Variants in IFT74 observed in about 807,000 individuals in gnomAD.
The protein encoded by IFT74 is intraflagellar transport 74.
IFT74 carries 92 observed loss-of-function variants against 96.7 expected under a neutral mutation model. That is an observed-to-expected ratio of 0.95 (90% confidence interval 0.80 to 1.13). The LOEUF is 1.13. IFT74 is among the 50% of genes most tolerant of loss of function. The pLI is 0.00. For synonymous variants in IFT74, 223 were observed against 213.2 expected, an observed-to-expected ratio of 1.05 and a Z score of -0.40; for missense variants, 811 against 698.2, an observed-to-expected ratio of 1.16 and a Z score of -1.82.
In IFT74 at chr9:27,064,524, G is replaced by A. The variant is rs577307642; in HGVS notation, c.*1788G>A. Among the ~76,000 whole-genome samples the A allele has an allele frequency of 1.3e-5, 2 of 152,098 alleles. No individual in the cohort carries two copies. The highest frequency in any genetic ancestry group is 2.1e-4 in the South Asian group (1 of 4,812). ...ATTAGGAGCCTTTATGGATATACCC[G>A]ACTGCTGAAAAACATTCATCTTTTA... On this transcript the variant is annotated 3_prime_UTR_variant, in exon 20 of 20. Coordinates refer to ENST00000380062, the MANE Select transcript of IFT74 (RefSeq NM_025103.4).
intron 8 of IFT74, among the ~76,000 whole-genome samples, chr9:27,003,373 A>G (rs888741065): frequency 5.5e-4 from 84 of 152,182 alleles, no homozygotes; most frequent in African/African-American, 1.9e-3. Context: ...AATTACAAAA[A>G]TTAGCCGGGT....
chr9:26,947,489 A>G (rs1351569754), intron 1 of IFT74: 1 of 159,652 alleles, frequency 6.3e-6, no homozygotes, highest in Admixed American at 6.5e-5. Context: ...GGCCGGGACT[A>G]CAATTCCCAT....
At chr9:26,988,450 A>G (rs1827727676) in intron 6 of IFT74, among the ~76,000 whole-genome samples, 1 of 152,232 alleles carries the variant, frequency 6.6e-6, no homozygotes, top group Non-Finnish European at 1.5e-5. Context: ...TCATTTATCC[A>G]TGTTAAAAAT....
rs1018713147 is a variant in IFT74 at position 27,062,896 on chromosome 9, G to A, written c.*160G>A. ...CTTTTAAGAATGATATTTTAAAATAGTAAATAGTTCAATAAATGGTTTGCA... is the reference window on the plus strand; with the variant it reads ...CTTTTAAGAATGATATTTTAAAATAATAAATAGTTCAATAAATGGTTTGCA... On this transcript the variant is annotated 3_prime_UTR_variant, in exon 20 of 20. Coordinates refer to ENST00000380062, the MANE Select transcript of IFT74 (RefSeq NM_025103.4). The A allele has an allele frequency of 7.4e-6, 4 of 541,906 alleles. No individual in the cohort carries two copies. The highest frequency in any genetic ancestry group is 2.0e-5 in the African/African-American group (1 of 49,498). 33.6% of individuals were successfully genotyped at this position (541,906 alleles called of 1,614,324 possible). A position where few individuals can be genotyped will look rare whatever the true frequency, so the allele number is the denominator to read the frequency against.
intron 8 of IFT74, among the ~76,000 whole-genome samples, chr9:26,996,769 A>T (rs1162628388): frequency 6.6e-6 from 1 of 152,198 alleles, no homozygotes; most frequent in Non-Finnish European, 1.5e-5. Context: ...ACATGGTTAC[A>T]ATCTGGATCT....
chr9:26,958,152 T>C (rs983543097), intron 1 of IFT74, among the ~76,000 whole-genome samples: 2 of 152,238 alleles, frequency 1.3e-5, no homozygotes, highest in African/African-American at 4.8e-5. Context: ...AAGTTTTTGC[T>C]TATCACTGAG....
At chr9:26,958,982 A>G (rs1826236556) in intron 1 of IFT74, among the ~76,000 whole-genome samples, 1 of 152,258 alleles carries the variant, frequency 6.6e-6, no homozygotes, top group South Asian at 2.1e-4. Context: ...GTAGGATGAC[A>G]TTTACAGCAC....
At chr9:27,036,979 G>T (rs1026187216) in intron 13 of IFT74, among the ~76,000 whole-genome samples, 1 of 152,186 alleles carries the variant, frequency 6.6e-6, no homozygotes, top group Admixed American at 6.5e-5. Flanking sequence ...AGCACTTTGG[G>T]AGGCTGAGGC....
upstream of IFT74, among the ~76,000 whole-genome samples, chr9:26,953,474 G>A (rs1825994432): frequency 6.6e-6 from 1 of 152,104 alleles, no homozygotes; most frequent in Non-Finnish European, 1.5e-5. Flanking sequence ...TCCTAGAAGT[G>A]GAGTTACTGG....
Position 26,962,008 on chromosome 9 carries a change from C to G in IFT74, c.41C>G (p.Ser14Ter). 2 of 1,614,140 alleles carry G rather than the reference C, an allele frequency of 1.2e-6. No individual in the cohort carries two copies. Among genetic ancestry groups the G allele is most frequent in the African/African-American group, 1.3e-5 (1 of 75,052 alleles). ...AAATCTTCAGCAGCTCGCCCTGTTT[C>G]AAGAGGTGGAGTTGGGTTAACAGGA... ...NHKSSAARPV[S>*]RGGVGLTGRP... Residue 14 changes from serine (S) to a stop codon, truncating the protein, a stop_gained, in exon 2 of 20, where the codon TCA (serine) becomes TGA (stop). Transcript: ENST00000380062. LOFTEE classifies it high-confidence loss of function.
Position 27,060,650 on chromosome 9 carries a change from A to T in IFT74, c.1683A>T (p.Glu561Asp). Residue 561 changes from glutamate to aspartate, a missense_variant and splice_region_variant, in exon 19 of 20, where the codon GAA becomes GAT. Glu to Asp is a conservative substitution (Grantham distance 45, BLOSUM62 2). Transcript: ENST00000380062. ...HLEQNNFAMK[E>D]FIATKSQESD... is the part of the protein sequence containing the mutation. ...AGCAAAATAATTTTGCGATGAAAGA[A>T]TGTATCCTTTAAAAAGCTGAAAATG... 2.5e-6 allele frequency: 4 copies of T among 1,600,100 alleles called. No homozygotes were observed. The highest frequency in any genetic ancestry group is 3.4e-6 in the Non-Finnish European group (4 of 1,171,092).
At chr9:27,057,333 G>A (rs549291670) in intron 18 of IFT74, among the ~76,000 whole-genome samples, 54 of 152,208 alleles carry the variant, frequency 3.5e-4, no homozygotes, top group Non-Finnish European at 6.5e-4. Context: ...TAGATTGAGA[G>A]CTCTGACGGG....
intron 6 of IFT74, among the ~76,000 whole-genome samples, chr9:26,986,330 T>C (rs1036493664): frequency 3.3e-5 from 5 of 151,954 alleles, no homozygotes; most frequent in East Asian, 1.9e-4. Flanking sequence ...GTTGTTTTTT[T>C]TTTTCAAGAC....
At chr9:27,032,563 T>G (rs965373023) in intron 13 of IFT74, among the ~76,000 whole-genome samples, 15 of 151,118 alleles carry the variant, frequency 9.9e-5, no homozygotes, top group Non-Finnish European at 1.5e-4. Flanking sequence ...GTCATCCTTT[T>G]CAGCTTAAAA....
Position 26,957,888 on chromosome 9 carries a change from G to A in IFT74, c.-20+1372G>A, listed in dbSNP as rs186844800. On this transcript the variant is annotated intron_variant, in intron 1 of 19. Transcript: ENST00000380062. ...GGCTCACTGCAAGCTCCGCCTCCTGGGACTACGCCCGCCACCACGCCCGGA... is the reference window on the plus strand; with the variant it reads ...GGCTCACTGCAAGCTCCGCCTCCTGAGACTACGCCCGCCACCACGCCCGGA... Among the ~76,000 whole-genome samples the A allele has an allele frequency of 1.0e-3, 158 of 151,966 alleles. 1 individual carries two copies. Among genetic ancestry groups the A allele is most frequent in the Admixed American group, 3.1e-3 (47 of 15,274 alleles).
intron 1 of IFT74, among the ~76,000 whole-genome samples, chr9:26,948,445 A>ATTTTTTTTT (rs1554662864): frequency 4.2e-5 from 2 of 47,316 alleles, no homozygotes; most frequent in Non-Finnish European, 9.8e-5. Flanking sequence ...ATGGCTTTCC[A>ATTTTTTTTT]TTATTTTTTT....
intron 2 of IFT74, among the ~76,000 whole-genome samples, chr9:26,966,663 C>G (rs1301457299): frequency 1.3e-5 from 2 of 151,938 alleles, no homozygotes; most frequent in African/African-American, 4.8e-5. Flanking sequence ...TGTGCAGGTG[C>G]TTTTTAACTT....
rs756441000 is a variant in IFT74, at chr9:27,047,319, G to T, written c.1154G>T (p.Arg385Leu). The T allele has an allele frequency of 1.2e-6, 2 of 1,613,418 alleles. No individual in the cohort carries two copies. Among genetic ancestry groups the T allele is most frequent in the South Asian group, 2.2e-5 (2 of 91,016 alleles). The change falls in exon 15 of 20, where the codon CGA (arginine) becomes CTA (leucine). Residue 385 changes from arginine (R) to leucine (L), a missense_variant. Arg to Leu is a moderately radical substitution (Grantham distance 102). Coordinates refer to ENST00000380062, the MANE Select transcript of IFT74 (RefSeq NM_025103.4). The stretch of plus-strand genomic sequence containing the variant: ...GAAACAAAGAATCAGGAACTGAAAC[G>T]AAAGGCACAGATAGAAGCCAACATT... ...FEETKNQELK[R>L]KAQIEANIVA... is the part of the protein sequence containing the mutation.
At chr9:26,972,026 C>G (rs554101761) in intron 2 of IFT74, among the ~76,000 whole-genome samples, 2 of 152,188 alleles carry the variant, frequency 1.3e-5, no homozygotes, top group African/African-American at 4.8e-5. Context: ...CCCAGGAGGA[C>G]CCATCTATAA....
Sources: gnomAD v4.1 joint callset for allele counts (sites outside exome capture counted in the v4.1 genomes callset) on GRCh38, gnomAD v4.1.1 for gene constraint, MANE v1.5 for transcripts, NCBI Gene and HGNC (gene_info 2026-07-23, HGNC 2026-07-21) for gene names.